The following SMARCD3 variants were observed in gnomAD, a reference collection of about 807,000 sequenced individuals.
SMARCD3 encodes SWI/SNF-related matrix-associated actin-dependent regulator of chromatin subfamily D member 3.
Under a neutral mutation model 58.0 loss-of-function variants are expected in SMARCD3, and 14 were observed. The ratio of observed to expected loss-of-function variants is 0.24; its 90% CI spans 0.16 to 0.38. The LOEUF is 0.38. SMARCD3 is among the 10% of genes least tolerant of loss of function. SMARCD3 has a pLI of 1.00. For synonymous variants in SMARCD3, 253 were observed against 253.8 expected (o/e 1.00, Z 0.03); for missense variants, 408 against 636.9 (o/e 0.64, Z 3.87).
intron 2 of SMARCD3, among the ~76,000 whole-genome samples, chr7:151,256,263 T>G (rs962636686): frequency 6.6e-6 from 1 of 151,512 alleles, no homozygotes; most frequent in Non-Finnish European, 1.5e-5. Flanking sequence ...CTCTGCCTCC[T>G]GGGCTCAAGC....
Position 151,239,131 on chromosome 7 carries a change from T to C in SMARCD3, c.1424A>G (p.Glu475Gly). Residue 475 changes from glutamate to glycine, a missense_variant, in exon 13 of 13, where the codon GAG (glutamate) becomes GGG (glycine). By Grantham distance (98) the Glu-to-Gly change is moderately conservative (BLOSUM62 -2). Transcript: ENST00000262188. The surrounding 1 kb of genome is among the most constrained non-coding windows in gnomAD (Gnocchi z 7.0). ...CKIQQRRQEL[E>G]QSLVVRNT ...GGTGTTGCGCACAACCAGCGACTGC[T>C]CCAGCTCCTGCCTGCGCTGCTGGAT... 6.2e-7 allele frequency: 1 copy of C among 1,614,154 alleles called. No homozygotes were observed. Among genetic ancestry groups the C allele is most frequent in the Non-Finnish European group, 8.5e-7 (1 of 1,180,016 alleles).
rs918065141 is a variant in SMARCD3 at position 151,246,938 on chromosome 7, G to A, written c.79-1267C>T. ...CACCACCCACCTCACCCCCAGGCAT[G>A]AGGAGGGGCCCCCTTGGGCTTGCTG... On this transcript the variant is annotated intron_variant, in intron 1 of 12. Coordinates refer to ENST00000262188, the MANE Select transcript of SMARCD3 (RefSeq NM_001003801.2). The surrounding 1 kb of genome is among the most constrained non-coding windows in gnomAD (Gnocchi z 4.4). Among the ~76,000 whole-genome samples the A allele has an allele frequency of 6.6e-6, 1 of 152,116 alleles. No homozygotes were observed. The highest frequency in any genetic ancestry group is 2.4e-5 in the African/African-American group (1 of 41,410).
chr7:151,251,701 T>TGTCGGG (rs1255002360), upstream of SMARCD3, among the ~76,000 whole-genome samples: 4 of 152,068 alleles, frequency 2.6e-5, no homozygotes, highest in African/African-American at 9.6e-5. Context: ...GCCGTGCGCC[T>TGTCGGG]GTCGGGGGCG....
At chr7:151,265,612 G>T (rs1346747949) in intron 2 of SMARCD3, among the ~76,000 whole-genome samples, 1 of 152,208 alleles carries the variant, frequency 6.6e-6, no homozygotes, top group African/African-American at 2.4e-5. Flanking sequence ...CCTCTGGTTT[G>T]CCCGATGAAA....
At chr7:151,251,161 G>C (rs921896752), upstream of SMARCD3, among the ~76,000 whole-genome samples, 5 of 152,158 alleles carry the variant, frequency 3.3e-5, no homozygotes, top group Admixed American at 6.5e-5. Context: ...AAGAGGTTGC[G>C]GGAGGTAGTT....
At chr7:151,263,252 GT>G (rs911101310) in intron 2 of SMARCD3, among the ~76,000 whole-genome samples, 11 of 149,350 alleles carry the variant, frequency 7.4e-5, no homozygotes, top group South Asian at 2.1e-4. Context: ...CCTGCTAAAT[GT>G]TTTTTTTTTA....
intron 1 of SMARCD3, among the ~76,000 whole-genome samples, chr7:151,247,839 T>G (rs1011628697): frequency 6.6e-6 from 1 of 152,074 alleles, no homozygotes; most frequent in Non-Finnish European, 1.5e-5. Context: ...AGCCCCTTCC[T>G]TCACATGTTC....
intron 2 of SMARCD3, among the ~76,000 whole-genome samples, chr7:151,261,101 G>C (rs969242368): frequency 1.3e-5 from 2 of 152,176 alleles, no homozygotes; most frequent in African/African-American, 4.8e-5. Context: ...TTGTAACTAA[G>C]GCTGGCTGTG....
At chr7:151,264,429 G>A (rs925851221) in intron 2 of SMARCD3, among the ~76,000 whole-genome samples, 2 of 152,168 alleles carry the variant, frequency 1.3e-5, no homozygotes, top group African/African-American at 4.8e-5. Context: ...GCCCCAGGAT[G>A]GCAGTGGCTT....
intron 2 of SMARCD3, among the ~76,000 whole-genome samples, chr7:151,267,392 G>A (rs185411577): frequency 3.6e-4 from 55 of 152,302 alleles, no homozygotes; most frequent in African/African-American, 1.2e-3. Context: ...TCAAACTCCT[G>A]TTTTCTGATC....
chr7:151,248,601 C>A lies in SMARCD3; in HGVS notation c.-39G>T. On this transcript the variant is annotated 5_prime_UTR_variant, in exon 1 of 13. Transcript: ENST00000262188. The surrounding 1 kb of genome is among the most constrained non-coding windows in gnomAD (Gnocchi z 6.1). Reference sequence around the variant, plus strand: ...GCGGCTCCTCTCACTCTCTCTCTCTCTTCCTCTTTCTTTCCCTTTTCTGCC... The same window carrying A: ...GCGGCTCCTCTCACTCTCTCTCTCTATTCCTCTTTCTTTCCCTTTTCTGCC... The A allele has an allele frequency of 6.2e-7, 1 of 1,606,676 alleles. No individual in the cohort carries two copies. Among genetic ancestry groups the A allele is most frequent in the Non-Finnish European group, 8.5e-7 (1 of 1,174,950 alleles).
rs1803363170 is a variant in SMARCD3 at position 151,248,158 on chromosome 7, G to A, written c.78+327C>T. On this transcript the variant is annotated intron_variant, in intron 1 of 12. Transcript: ENST00000262188. This position sits in a 1 kb window ranked among gnomAD's most constrained non-coding sequence, Gnocchi z 6.1. ...CCCCCAGGGCAGGGGCAACACCTGGGCCCACAAGGAAAAGAACGAAAGTCA... is the reference window on the plus strand; with the variant it reads ...CCCCCAGGGCAGGGGCAACACCTGGACCCACAAGGAAAAGAACGAAAGTCA... Among the ~76,000 whole-genome samples, 2 of 151,838 alleles carry A rather than the reference G, an allele frequency of 1.3e-5. No individual in the cohort carries two copies. The highest frequency in any genetic ancestry group is 4.8e-5 in the African/African-American group (2 of 41,336).
chr7:151,255,103 C>G (rs1025374905), intron 2 of SMARCD3, among the ~76,000 whole-genome samples: 3 of 152,060 alleles, frequency 2.0e-5, no homozygotes, highest in African/African-American at 7.2e-5. Flanking sequence ...GCCTTGAGGG[C>G]ACCAGGTTCA....
intron 2 of SMARCD3, among the ~76,000 whole-genome samples, chr7:151,263,355 T>A (rs77825932): frequency 0.2 from 30,849 of 151,844 alleles, 3,538 homozygotes; most frequent in Non-Finnish European, 0.27. Context: ...CTGGGGAGGT[T>A]GGGGAGAGAG....
intron 2 of SMARCD3, among the ~76,000 whole-genome samples, chr7:151,272,746 T>G (rs1309381975): frequency 2.0e-5 from 3 of 152,112 alleles, no homozygotes; most frequent in East Asian, 3.9e-4. Flanking sequence ...TCACCAAGGA[T>G]TCCCACACCC....
In SMARCD3 at chr7:151,268,861, C is replaced by T. The variant is rs11773235; in HGVS notation, c.39+6253G>A. On this transcript the variant is annotated intron_variant, in intron 2 of 13. Coordinates refer to the SMARCD3 transcript ENST00000356800. ...TCAGGCGATCTTCCTGCCTTGGCCT[C>T]CCAAAGTGCCGAGATTACAGGCATG... Among the ~76,000 whole-genome samples, 12 of 152,262 alleles carry T rather than the reference C, an allele frequency of 7.9e-5. No homozygotes were observed. The East Asian group carries it at 2.3e-3, about 29-fold the overall frequency.
chr7:151,263,927 C>T (rs1803997938), intron 2 of SMARCD3, among the ~76,000 whole-genome samples: 1 of 152,228 alleles, frequency 6.6e-6, no homozygotes, highest in South Asian at 2.1e-4. Context: ...TGGGTGCCTT[C>T]AGCTCCACCA....
In SMARCD3 at chr7:151,241,839, T is replaced by A; in HGVS notation, c.777+38A>T. 6.4e-7 allele frequency: 1 copy of A among 1,552,250 alleles called. No individual in the cohort carries two copies. Among genetic ancestry groups the A allele is most frequent in the African/African-American group, 1.4e-5 (1 of 74,054 alleles). On this transcript the variant is annotated intron_variant, in intron 7 of 12. Coordinates refer to ENST00000262188, the MANE Select transcript of SMARCD3 (RefSeq NM_001003801.2). The surrounding 1 kb of genome is among the most constrained non-coding windows in gnomAD (Gnocchi z 5.3). ...GGGACCTAGCCCTGCCCTGAGGGCCTTGTGTGGCGTGTACGGGGCAGCATG... is the reference window on the plus strand; with the variant it reads ...GGGACCTAGCCCTGCCCTGAGGGCCATGTGTGGCGTGTACGGGGCAGCATG...
chr7:151,259,602 T>TTTTTTGG (rs1554490125), intron 2 of SMARCD3, among the ~76,000 whole-genome samples: 1 of 55,342 alleles, frequency 1.8e-5, no homozygotes, highest in Non-Finnish European at 3.5e-5. Flanking sequence ...AACCTGAGAG[T>TTTTTTGG]TTTTTTTTTT....
Sources: allele counts gnomAD v4.1 joint callset (sites outside exome capture counted in the v4.1 genomes callset), GRCh38; gene constraint gnomAD v4.1.1; non-coding constraint Gnocchi (gnomAD v3.1); transcripts MANE v1.5; gene names NCBI Gene and HGNC (gene_info 2026-07-23, HGNC 2026-07-21).